Variants in KITLG observed in about 807,000 individuals in gnomAD.
KITLG encodes c-Kit ligand.
In KITLG, 13 loss-of-function variants were observed where a neutral mutation model predicts 34.1. The observed-to-expected ratio is 0.38, with a 90% CI of 0.25 to 0.61. The LOEUF is 0.61. Among genes scored for constraint, KITLG ranks in the 20% least tolerant of loss-of-function variants. The probability of loss-of-function intolerance (pLI) is 0.60; values close to 1 mark genes in which losing one functional copy is unlikely to be tolerated. For synonymous variants in KITLG, 110 were observed against 104.0 expected (o/e 1.06, Z -0.35); for missense variants, 292 against 318.9 (o/e 0.92, Z 0.64).
chr12:88,540,415 G>C (rs1387652589), intron 2 of KITLG, among the ~76,000 whole-genome samples: 2 of 152,230 alleles, frequency 1.3e-5, no homozygotes, highest in Middle Eastern at 6.8e-3. Flanking sequence ...GCTAAAAATA[G>C]TTATCTTGTA....
intron 1 of KITLG, among the ~76,000 whole-genome samples, chr12:88,570,809 G>A (rs934174058): frequency 6.6e-5 from 10 of 152,150 alleles, no homozygotes; most frequent in East Asian, 1.9e-4. Flanking sequence ...TGCTACAATC[G>A]AATGAGATAC....
chr12:88,516,938 T>C (rs1869482559), intron 4 of KITLG, among the ~76,000 whole-genome samples: 1 of 151,814 alleles, frequency 6.6e-6, no homozygotes, highest in Non-Finnish European at 1.5e-5. Flanking sequence ...TCTTACATAC[T>C]GCTGAGATAA....
Position 88,495,115 on chromosome 12 carries a change from A to T in KITLG, c.*2104T>A, listed in dbSNP as rs778729593. The T allele has an allele frequency of 6.6e-6, 1 of 152,034 alleles. No homozygotes were observed. Among genetic ancestry groups the T allele is most frequent in the Non-Finnish European group, 1.5e-5 (1 of 67,940 alleles). 9.4% of individuals were successfully genotyped at this position (152,034 alleles called of 1,614,324 possible). A position where few individuals can be genotyped will look rare whatever the true frequency, so the allele number is the denominator to read the frequency against. On this transcript the variant is annotated 3_prime_UTR_variant, in exon 10 of 10. Transcript: ENST00000644744. ...ATTTAATAACTTGCTGAATTTGTTT[A>T]TTTAACTCCATTGATTAAGACCATG...
chr12:88,565,409 G>T (rs757896905), intron 1 of KITLG, among the ~76,000 whole-genome samples: 4 of 152,108 alleles, frequency 2.6e-5, no homozygotes, highest in Non-Finnish European at 4.4e-5. Context: ...GGCAGATCAC[G>T]AGATCAAGAG....
chr12:88,572,787 G>C (rs902912186), intron 1 of KITLG, among the ~76,000 whole-genome samples: 13 of 151,494 alleles, frequency 8.6e-5, no homozygotes, highest in Non-Finnish European at 1.5e-4. Context: ...ATTTTGTTTA[G>C]TTCCCACTTT....
At chr12:88,543,283 C>T (rs1425657282) in intron 2 of KITLG, among the ~76,000 whole-genome samples, 1 of 152,032 alleles carries the variant, frequency 6.6e-6, no homozygotes, top group Non-Finnish European at 1.5e-5. Flanking sequence ...CCCAACAGGC[C>T]CCAGTGTGTA....
chr12:88,541,542 C>G (rs1371217782), intron 2 of KITLG, among the ~76,000 whole-genome samples: 1 of 152,122 alleles, frequency 6.6e-6, no homozygotes, highest in African/African-American at 2.4e-5. Context: ...GGATTTCCTT[C>G]CTATATGAAC....
At chr12:88,564,569 T>C (rs2120964165) in intron 1 of KITLG, among the ~76,000 whole-genome samples, 1 of 152,328 alleles carries the variant, frequency 6.6e-6, no homozygotes, top group South Asian at 2.1e-4. Context: ...ACTTCATTGC[T>C]CACCATTTGT....
intron 3 of KITLG, among the ~76,000 whole-genome samples, chr12:88,530,952 CA>C (rs1372443106): frequency 6.6e-6 from 1 of 152,016 alleles, no homozygotes; most frequent in African/African-American, 2.4e-5. Flanking sequence ...AAAAATTGGT[CA>C]AAACCTACAC....
chr12:88,547,681 C>A (rs1162036033), intron 1 of KITLG, among the ~76,000 whole-genome samples: 1 of 152,178 alleles, frequency 6.6e-6, no homozygotes, highest in Non-Finnish European at 1.5e-5. Flanking sequence ...GATTTGGGAA[C>A]TTTCTCTAAG....
chr12:88,514,022 T>C (rs540253387), intron 6 of KITLG, among the ~76,000 whole-genome samples: 11 of 151,736 alleles, frequency 7.2e-5, no homozygotes, highest in African/African-American at 2.6e-4. Flanking sequence ...ATTCATAGAC[T>C]AGTAACAATA....
At position 88,506,319 on chromosome 12, in the gene KITLG, A is replaced by G; in HGVS notation, c.774T>C (p.Asn258=). ...VENIQINEED[N]EISMLQEKER... ...TTAGCAAAACAAAATACCTTATCTC[A>G]TTATCCTCTTCATTAATTTGTATAT... Residue 258 remains asparagine (N), a synonymous_variant, in exon 8 of 10, where the codon AAT becomes AAC. Coordinates refer to ENST00000644744, the MANE Select transcript of KITLG (RefSeq NM_000899.5). The G allele has an allele frequency of 6.2e-7, 1 of 1,602,814 alleles. No individual in the cohort carries two copies. Among genetic ancestry groups the G allele is most frequent in the South Asian group, 1.1e-5 (1 of 90,828 alleles).
intron 1 of KITLG, among the ~76,000 whole-genome samples, chr12:88,554,888 ACTACT>A (rs1365595216): frequency 6.6e-6 from 1 of 152,216 alleles, no homozygotes; most frequent in Non-Finnish European, 1.5e-5. Flanking sequence ...TTGAAACTTA[ACTACT>A]ATCAATAAAA....
At position 88,516,329 on chromosome 12, in the gene KITLG, C is replaced by T. The variant is rs1385767340; in HGVS notation, c.520+5G>A. ...ATTTGAACTGGAAATGCTTACATGT[C>T]TTACCTTTCTCAGGACTTAATGTTG... On this transcript the variant is annotated splice_donor_5th_base_variant and intron_variant, in intron 5 of 9. Transcript: ENST00000644744. The T allele has an allele frequency of 1.9e-6, 3 of 1,609,234 alleles. No homozygotes were observed. The highest frequency in any genetic ancestry group is 2.5e-6 in the Non-Finnish European group (3 of 1,176,606).
rs150810882 is a variant in KITLG at position 88,560,461 on chromosome 12, T to C, written c.16-14596A>G. Among the ~76,000 whole-genome samples the C allele has an allele frequency of 5.5e-3, 836 of 152,266 alleles. 8 individuals are homozygous for C. Among genetic ancestry groups the C allele is most frequent in the Middle Eastern group, 0.02 (6 of 294 alleles). The stretch of plus-strand genomic sequence containing the variant: ...ATCTCATTTATCCTCTGCCTCCCCA[T>C]AGATTAAAGATCAGCCCTGGAAAGT... On this transcript the variant is annotated intron_variant, in intron 1 of 9. Transcript: ENST00000644744.
intron 2 of KITLG, among the ~76,000 whole-genome samples, chr12:88,543,124 T>C (rs1370756913): frequency 6.6e-6 from 1 of 152,098 alleles, no homozygotes; most frequent in Non-Finnish European, 1.5e-5. Flanking sequence ...TTATTATTAT[T>C]ATTATACTTT....
chr12:88,572,296 A>T (rs891011451), intron 1 of KITLG, among the ~76,000 whole-genome samples: 2 of 151,956 alleles, frequency 1.3e-5, no homozygotes, highest in Non-Finnish European at 2.9e-5. Context: ...TTATATAAGG[A>T]TTTGCTAGTA....
chr12:88,554,920 A>G (rs1400463068), intron 1 of KITLG, among the ~76,000 whole-genome samples: 1 of 152,226 alleles, frequency 6.6e-6, no homozygotes, highest in Non-Finnish European at 1.5e-5. Context: ...TTACCAGAGT[A>G]ACTAATTGAA....
chr12:88,560,514 CT>C (rs1871259829), intron 1 of KITLG, among the ~76,000 whole-genome samples: 2 of 152,158 alleles, frequency 1.3e-5, no homozygotes, highest in Non-Finnish European at 2.9e-5. Context: ...AAACTGCCCC[CT>C]GAGCTTGGAT....
Sources: allele counts gnomAD v4.1 joint callset (sites outside exome capture counted in the v4.1 genomes callset), GRCh38; gene constraint gnomAD v4.1.1; transcripts MANE v1.5; gene names NCBI Gene and HGNC (gene_info 2026-07-23, HGNC 2026-07-21).